The following UTRN variants were observed in gnomAD, a reference collection of about 807,000 sequenced individuals.
UTRN encodes the protein dystrophin-related protein 1.
Under a neutral mutation model 463.9 loss-of-function variants are expected in UTRN, and 283 were observed. The ratio of observed to expected loss-of-function variants is 0.61; its 90% CI spans 0.55 to 0.67. The LOEUF is 0.67. Among genes scored for constraint, UTRN ranks in the 30% least tolerant of loss-of-function variants. The pLI, the probability that UTRN is intolerant of heterozygous loss-of-function variation, is 0.00. For missense variants in UTRN, 3,922 were observed against 4,084.3 expected, an observed-to-expected ratio of 0.96 and a Z score of 1.08; for synonymous variants, 1,442 against 1,431.5, an observed-to-expected ratio of 1.01 and a Z score of -0.17.
chr6:144,321,377 A>G (rs931197929), intron 2 of UTRN, among the ~76,000 whole-genome samples: 2 of 151,998 alleles, frequency 1.3e-5, no homozygotes, highest in Non-Finnish European at 2.9e-5. Flanking sequence ...TCAGGAAGCC[A>G]AGGCAGAGAG....
At chr6:144,381,631 A>G (rs1780937569) in intron 2 of UTRN, among the ~76,000 whole-genome samples, 1 of 152,180 alleles carries the variant, frequency 6.6e-6, no homozygotes, top group African/African-American at 2.4e-5. Context: ...TGTTCTTGTG[A>G]TAGTGAATAA....
intron 26 of UTRN, among the ~76,000 whole-genome samples, chr6:144,481,291 A>T (rs1196196959): frequency 2.0e-5 from 3 of 152,226 alleles, no homozygotes; most frequent in Non-Finnish European, 4.4e-5. Context: ...TGCCATTAAA[A>T]GTAATGGCAT....
At chr6:144,452,960 A>C (rs1788478189) in intron 18 of UTRN, among the ~76,000 whole-genome samples, 1 of 151,868 alleles carries the variant, frequency 6.6e-6, no homozygotes, top group African/African-American at 2.4e-5. Context: ...AAAAAAAAAA[A>C]AGGAACAAAA....
At chr6:144,499,132 A>G (rs1793945169) in intron 33 of UTRN, 125 bp from the exon 34 acceptor site, 5 of 1,010,948 alleles carry the variant, frequency 4.9e-6, no homozygotes, top group Non-Finnish European at 7.0e-6. Flanking sequence ...GCTAAGACAA[A>G]GGTTATGTAT....
chr6:144,742,321 A>T (rs1351255854), intron 54 of UTRN, among the ~76,000 whole-genome samples: 2 of 152,228 alleles, frequency 1.3e-5, no homozygotes, highest in Admixed American at 6.5e-5. Flanking sequence ...AGTGGTTGTC[A>T]TCAGTTATTG....
chr6:144,419,032 A>C (rs1274578845), intron 3 of UTRN, among the ~76,000 whole-genome samples: 1 of 151,730 alleles, frequency 6.6e-6, no homozygotes, highest in African/African-American at 2.4e-5. Flanking sequence ...TATTTTTGCT[A>C]TGCCTAAGAC....
At chr6:144,709,901 C>G (rs1477919974) in intron 53 of UTRN, among the ~76,000 whole-genome samples, 1 of 152,192 alleles carries the variant, frequency 6.6e-6, no homozygotes, top group Admixed American at 6.5e-5. Context: ...GATTTAATGA[C>G]TCCTTTTCAA....
intron 3 of UTRN, among the ~76,000 whole-genome samples, chr6:144,415,737 A>G (rs1784306647): frequency 6.6e-6 from 1 of 152,218 alleles, no homozygotes; most frequent in Admixed American, 6.5e-5. Flanking sequence ...TGGTCTGCAC[A>G]TTAAAATTGG....
chr6:144,408,040 C>A (rs1338495857), intron 3 of UTRN, among the ~76,000 whole-genome samples: 1 of 152,148 alleles, frequency 6.6e-6, no homozygotes. Flanking sequence ...AGCCATAAGA[C>A]GCAATCGATC....
intron 2 of UTRN, among the ~76,000 whole-genome samples, chr6:144,318,042 T>A (rs1311857694): frequency 6.6e-6 from 1 of 152,184 alleles, no homozygotes; most frequent in African/African-American, 2.4e-5. Context: ...CATTTTCGGC[T>A]TAGGTACTCT....
At position 144,387,498 on chromosome 6, in the gene UTRN, G is replaced by T. The variant is rs79895540; in HGVS notation, c.80-15625G>T. The stretch of plus-strand genomic sequence containing the variant: ...AAAATACTTGAATTTATTGCAAAAG[G>T]TGTATTTTAAATGATTCAGCTCCCT... On this transcript the variant is annotated intron_variant, in intron 2 of 74. Coordinates refer to ENST00000367545, the MANE Select transcript of UTRN (RefSeq NM_007124.3). Among the ~76,000 whole-genome samples the T allele has an allele frequency of 7.3e-3, 1,115 of 152,258 alleles. 56 individuals are homozygous for T. The East Asian group carries it at 0.13, about 18-fold the overall frequency.
intron 65 of UTRN, among the ~76,000 whole-genome samples, chr6:144,805,162 C>G (rs1778037413): frequency 6.6e-6 from 1 of 152,118 alleles, no homozygotes; most frequent in African/African-American, 2.4e-5. Flanking sequence ...GAGGCCAACT[C>G]AAATTTGGTC....
intron 58 of UTRN, among the ~76,000 whole-genome samples, chr6:144,762,473 G>A (rs1315541784): frequency 1.3e-5 from 2 of 152,212 alleles, no homozygotes; most frequent in Non-Finnish European, 2.9e-5. Flanking sequence ...AGCTGTCCAA[G>A]GACAAAGCCC....
At chr6:144,813,846 G>T (rs189966314) in intron 65 of UTRN, among the ~76,000 whole-genome samples, 4 of 152,344 alleles carry the variant, frequency 2.6e-5, no homozygotes. Flanking sequence ...TAAAAAAGGT[G>T]TGACATTTCT....
intron 16 of UTRN, among the ~76,000 whole-genome samples, chr6:144,448,289 C>T (rs780635326): frequency 3.3e-5 from 5 of 152,108 alleles, no homozygotes; most frequent in African/African-American, 7.2e-5. Flanking sequence ...AGAAGCCAAT[C>T]GCAAGATTAT....
At chr6:144,333,872 C>A (rs570216839) in intron 2 of UTRN, among the ~76,000 whole-genome samples, 45 of 152,166 alleles carry the variant, frequency 3.0e-4, no homozygotes, top group African/African-American at 1.1e-3. Context: ...TCATTTTATT[C>A]ATTCGTTCAG....
chr6:144,637,879 TA>T (rs1276103008), intron 51 of UTRN, among the ~76,000 whole-genome samples: 1 of 152,292 alleles, frequency 6.6e-6, no homozygotes, highest in East Asian at 1.9e-4. Flanking sequence ...TCTGAATTTT[TA>T]AAAAAATCTT....
At position 144,359,441 on chromosome 6, in the gene UTRN, T is replaced by C. The variant is rs180846377; in HGVS notation, c.80-43682T>C. Among the ~76,000 whole-genome samples, 363 of 152,356 alleles carry C rather than the reference T, an allele frequency of 2.4e-3. 3 individuals are homozygous for C. Among genetic ancestry groups the C allele is most frequent in the Middle Eastern group, 0.014 (4 of 294 alleles). On this transcript the variant is annotated intron_variant, in intron 2 of 74. Transcript: ENST00000367545. The stretch of plus-strand genomic sequence containing the variant: ...TTGGCACCATCCTTCATTTCAGGTA[T>C]TCATTTCTGATAAATTCCCAGAAAT...
At chr6:144,702,219 TA>T (rs1784672465) in intron 53 of UTRN, among the ~76,000 whole-genome samples, 1 of 152,160 alleles carries the variant, frequency 6.6e-6, no homozygotes, top group African/African-American at 2.4e-5. Context: ...GCACATAAAG[TA>T]TGTATCAGCC....
Sources: allele counts gnomAD v4.1 joint callset (sites outside exome capture counted in the v4.1 genomes callset), GRCh38; gene constraint gnomAD v4.1.1; transcripts MANE v1.5; gene names NCBI Gene and HGNC (gene_info 2026-07-23, HGNC 2026-07-21).